Variants in MAU2 observed in about 807,000 individuals in gnomAD.
MAU2 encodes MAU2 chromatid cohesion factor homolog.
A neutral mutation model predicts 89.1 loss-of-function variants in MAU2; 9 were observed. The ratio of observed to expected loss-of-function variants is 0.10; its 90% CI spans 0.06 to 0.18. MAU2 has a LOEUF of 0.18. Ranked by LOEUF, MAU2 falls within the 10% of genes least tolerant of loss-of-function variation. The pLI, the probability that MAU2 is intolerant of heterozygous loss-of-function variation, is 1.00. For synonymous variants in MAU2, 357 were observed against 343.4 expected, an observed-to-expected ratio of 1.04 and a Z score of -0.44; for missense variants, 425 against 803.5, an observed-to-expected ratio of 0.53 and a Z score of 5.69.
intron 17 of MAU2, 50 bp downstream of exon 17, chr19:19,354,495 A>G: frequency 6.6e-7 from 1 of 1,516,240 alleles, no homozygotes; most frequent in Non-Finnish European, 9.1e-7. Flanking sequence ...GGCCCTCCCC[A>G]GAGATCAAGG....
chr19:19,327,646 G>A (rs1177817835), intron 1 of MAU2, among the ~76,000 whole-genome samples: 2 of 151,998 alleles, frequency 1.3e-5, no homozygotes, highest in Middle Eastern at 3.4e-3. Flanking sequence ...TAGAGATGGG[G>A]TTTCACTATG....
chr19:19,349,474 G>T, intron 16 of MAU2, 38 bp downstream of exon 16: 8 of 1,579,688 alleles, frequency 5.1e-6, no homozygotes, highest in Admixed American at 1.7e-5. Flanking sequence ...TTGGGTGCCT[G>T]TGGGGCTTGG....
At chr19:19,335,792 G>A in intron 2 of MAU2, 57 bp downstream of exon 2, 1 of 1,590,906 alleles carries the variant, frequency 6.3e-7, no homozygotes, top group African/African-American at 1.3e-5. Context: ...TAAATAAAAA[G>A]AATGTATCAA....
intron 1 of MAU2, among the ~76,000 whole-genome samples, chr19:19,322,443 A>G (rs151138188): frequency 0.017 from 2,576 of 152,302 alleles, 35 homozygotes; most frequent in Non-Finnish European, 0.028. Flanking sequence ...TACAAAAAAT[A>G]CAAAAACTAG....
chr19:19,322,317 G>GGCCA (rs1334085804), intron 1 of MAU2, among the ~76,000 whole-genome samples: 2 of 152,114 alleles, frequency 1.3e-5, no homozygotes, highest in Non-Finnish European at 2.9e-5. Context: ...AACTTTCTAG[G>GGCCA]GCCAGGCTCA....
At chr19:19,330,401 C>A (rs1385553189) in intron 1 of MAU2, among the ~76,000 whole-genome samples, 2 of 150,848 alleles carry the variant, frequency 1.3e-5, no homozygotes, top group Non-Finnish European at 3.0e-5. Context: ...TTGAGACCAG[C>A]CTGGGCAAGA....
chr19:19,322,640 T>C (rs2061470667), intron 1 of MAU2, among the ~76,000 whole-genome samples: 1 of 152,146 alleles, frequency 6.6e-6, no homozygotes, highest in African/African-American at 2.4e-5. Context: ...AATTTCAGGC[T>C]GTGGAGTCGT....
chr19:19,325,187 T>G (rs972277467), intron 1 of MAU2, among the ~76,000 whole-genome samples: 2 of 152,174 alleles, frequency 1.3e-5, no homozygotes, highest in African/African-American at 2.4e-5. Flanking sequence ...ATTTATTTAT[T>G]TTTTGAGATG....
In MAU2 at chr19:19,358,475, C is replaced by T. The variant is rs2048203561; in HGVS notation, c.*2693C>T. The T allele has an allele frequency of 6.6e-6, 1 of 152,234 alleles. No individual in the cohort carries two copies. The allele number at this position is 152,234 out of a possible 1,614,324, so 9.4% of individuals were successfully genotyped here. ...AGGCAAGGAAATTGGAACTGCCACC[C>T]AGCCCAGCATGGTGGCTCAATTGGT... On this transcript the variant is annotated 3_prime_UTR_variant, in exon 19 of 19. Transcript: ENST00000262815.
intron 6 of MAU2, 35 bp downstream of exon 6, chr19:19,340,908 G>T (rs1568659460): frequency 3.1e-6 from 5 of 1,612,360 alleles, no homozygotes; most frequent in Non-Finnish European, 4.2e-6. Context: ...GATGCAGCTG[G>T]TGTTGTGGAG....
intron 9 of MAU2, among the ~76,000 whole-genome samples, 165 bp from the exon 10 acceptor site, chr19:19,343,672 A>G (rs1430852737): frequency 6.6e-6 from 1 of 152,168 alleles, no homozygotes; most frequent in Non-Finnish European, 1.5e-5. Context: ...CTGGACAGCA[A>G]GACACACTCC....
At chr19:19,327,121 C>CA (rs1420129909) in intron 1 of MAU2, among the ~76,000 whole-genome samples, 3 of 114,276 alleles carry the variant, frequency 2.6e-5, no homozygotes, top group Non-Finnish European at 3.6e-5. Flanking sequence ...TCCCCAGGAG[C>CA]TTTTTTTTTT....
chr19:19,355,779 G>T lies in MAU2; in HGVS notation c.1839G>T (p.Leu613=). Residue 613 remains leucine, a synonymous_variant, in exon 19 of 19, where the codon CTG becomes CTT. Transcript: ENST00000262815. The part of the protein sequence containing the change: ...NGPNTSLASL[L] ...CCAACACCAGCCTGGCCAGCCTCCTGTGAGGCCTTGATGGGGCCATCCAGC... is the reference window on the plus strand; with the variant it reads ...CCAACACCAGCCTGGCCAGCCTCCTTTGAGGCCTTGATGGGGCCATCCAGC... The T allele has an allele frequency of 6.2e-7, 1 of 1,606,584 alleles. No homozygotes were observed. Among genetic ancestry groups the T allele is most frequent in the Admixed American group, 1.7e-5 (1 of 60,024 alleles).
At position 19,355,934 on chromosome 19, in the gene MAU2, C is replaced by T. The variant is rs541992316; in HGVS notation, c.*152C>T. 3.8e-6 allele frequency: 3 copies of T among 786,698 alleles called. No individual in the cohort carries two copies. The highest frequency in any genetic ancestry group is 5.3e-5 in the East Asian group (2 of 37,696). The allele number at this position is 786,698 out of a possible 1,614,324, so 48.7% of individuals were successfully genotyped here. ...ATGTGCGGGGCCAGTCCCTGCCCTC[C>T]CAGGAGGGGTGGTAGCCGTTCCCAC... On this transcript the variant is annotated 3_prime_UTR_variant, in exon 19 of 19. Coordinates refer to ENST00000262815, the MANE Select transcript of MAU2 (RefSeq NM_015329.4).
intron 10 of MAU2, 100 bp downstream of exon 10, chr19:19,344,040 C>A (rs2061674073): frequency 5.5e-6 from 5 of 916,322 alleles, no homozygotes; most frequent in Non-Finnish European, 8.6e-6. Flanking sequence ...ACTGGCAGGC[C>A]AGCCCATCCT....
rs1265413922 is a variant in MAU2 at position 19,358,414 on chromosome 19, G to A, written c.*2632G>A. On this transcript the variant is annotated 3_prime_UTR_variant, in exon 19 of 19. Coordinates refer to ENST00000262815, the MANE Select transcript of MAU2 (RefSeq NM_015329.4). ...GCCGGTGGGCGAGGATCCTCTCCCT[G>A]GGATAAGCACTCCCAGCCCCGTTTA... The A allele has an allele frequency of 1.3e-5, 2 of 152,092 alleles. No homozygotes were observed. The highest frequency in any genetic ancestry group is 2.9e-5 in the Non-Finnish European group (2 of 68,030). 9.4% of individuals were successfully genotyped at this position (152,092 alleles called of 1,614,324 possible). A position where few individuals can be genotyped will look rare whatever the true frequency, so the allele number is the denominator to read the frequency against.
rs1293197924 is a variant in MAU2, at chr19:19,345,450, G to A, written c.1221+81G>A. 42 of 1,369,434 alleles carry A rather than the reference G, an allele frequency of 3.1e-5. No individual in the cohort carries two copies. The highest frequency in any genetic ancestry group is 4.0e-5 in the Non-Finnish European group (39 of 968,070). 84.8% of individuals were successfully genotyped at this position (1,369,434 alleles called of 1,614,324 possible). The stretch of plus-strand genomic sequence containing the variant: ...TCGGGCGTGGTCTGTGATGAGGACA[G>A]CAGTCGCGCTAGGTCAGCTATGCAA... On this transcript the variant is annotated intron_variant, in intron 12 of 18. Coordinates refer to ENST00000262815, the MANE Select transcript of MAU2 (RefSeq NM_015329.4). This position sits in a 1 kb window ranked among gnomAD's most constrained non-coding sequence, Gnocchi z 4.9.
intron 1 of MAU2, chr19:19,334,306 G>A: frequency 2.0e-6 from 2 of 985,556 alleles, no homozygotes; most frequent in Non-Finnish European, 2.4e-6. Context: ...GCTTGGGCTG[G>A]CAGAGGGCCT....
chr19:19,348,797 G>T (rs956626527), intron 13 of MAU2, 92 bp from the exon 14 acceptor site: 6 of 1,360,742 alleles, frequency 4.4e-6, no homozygotes, highest in Non-Finnish European at 6.3e-6. Context: ...CCCGACGGGG[G>T]TGTAGAGAAA....
Sources: allele counts gnomAD v4.1 joint callset (sites outside exome capture counted in the v4.1 genomes callset), GRCh38; gene constraint gnomAD v4.1.1; non-coding constraint Gnocchi (gnomAD v3.1); transcripts MANE v1.5; gene names NCBI Gene and HGNC (gene_info 2026-07-23, HGNC 2026-07-21).